Variants in WIZ observed in about 807,000 individuals in gnomAD.
The protein encoded by WIZ is WIZ zinc finger.
WIZ carries 25 observed loss-of-function variants against 140.2 expected under a neutral mutation model. That is an observed-to-expected ratio of 0.18 (90% CI 0.13 to 0.25). WIZ has a LOEUF of 0.25. WIZ is among the 10% of genes least tolerant of loss of function. The pLI is 1.00. For missense variants in WIZ, 2,231 were observed against 2,632.6 expected (o/e 0.85, Z 3.34); for synonymous variants, 1,125 against 1,154.3 (o/e 0.97, Z 0.51).
chr19:15,434,502 G>A (rs1217301191), intron 5 of WIZ, among the ~76,000 whole-genome samples: 1 of 149,624 alleles, frequency 6.7e-6, no homozygotes, highest in Admixed American at 6.7e-5. Flanking sequence ...GGTGGAGCTT[G>A]TAGTGAGCCG....
At position 15,425,404 on chromosome 19, in the gene WIZ, G is replaced by A; in HGVS notation, c.4731C>T (p.Ile1577=). 1 of 1,557,836 alleles carries A rather than the reference G, an allele frequency of 6.4e-7. No homozygotes were observed. The highest frequency in any genetic ancestry group is 8.7e-7 in the Non-Finnish European group (1 of 1,150,736). ...QVPRELSLTP[I]TGAKPSATGY... ...CAGTGGCTGAGGGCTTGGCCCCAGT[G>A]ATGGGCGTCAGGCTGAGCTCACGAG... The change falls in exon 10 of 13, where the codon ATC becomes ATT. Residue 1577 remains isoleucine, a synonymous_variant. Transcript: ENST00000673675.
chr19:15,448,055 G>GA (rs747183315), intron 2 of WIZ, 48 bp downstream of exon 2: 8 of 1,603,146 alleles, frequency 5.0e-6, no homozygotes, highest in Non-Finnish European at 6.0e-6. Flanking sequence ...CTGAGCCTTG[G>GA]GGAATGGGCT....
chr19:15,430,696 ATGCGAGAGAC>A (rs943081947), intron 6 of WIZ, among the ~76,000 whole-genome samples: 4 of 152,216 alleles, frequency 2.6e-5, no homozygotes, highest in Non-Finnish European at 5.9e-5. Context: ...AAATGGTGTC[ATGCGAGAGAC>A]TGCACAGCTA....
chr19:15,436,877 C>G lies in WIZ; in HGVS notation c.2669G>C (p.Arg890Pro). ...GGGCACCGTGAGAGGTAAGCGGGGCCGACGGGAGGTCAGGAAGCTGCCAGG... is the reference window on the plus strand; with the variant it reads ...GGGCACCGTGAGAGGTAAGCGGGGCGGACGGGAGGTCAGGAAGCTGCCAGG... ...GPPGSFLTSR[R>P]PRLPLTVPFP... is the part of the protein sequence containing the mutation. Residue 890 changes from arginine to proline, a missense_variant, in exon 5 of 13, where the codon CGG becomes CCG. Coordinates refer to ENST00000673675, the MANE Select transcript of WIZ (RefSeq NM_001371589.1). 3 of 1,612,768 alleles carry G rather than the reference C, an allele frequency of 1.9e-6. No homozygotes were observed. The highest frequency in any genetic ancestry group is 2.5e-6 in the Non-Finnish European group (3 of 1,179,494).
At chr19:15,426,735 C>A (rs1191448582) in intron 9 of WIZ, among the ~76,000 whole-genome samples, 2 of 152,240 alleles carry the variant, frequency 1.3e-5, no homozygotes, top group Non-Finnish European at 2.9e-5. Flanking sequence ...TGAAATGGCA[C>A]AAGAGATGGA....
At chr19:15,423,946 G>A in intron 12 of WIZ, 2 of 441,816 alleles carry the variant, frequency 4.5e-6, no homozygotes, top group Non-Finnish European at 7.9e-6. Context: ...GAGGTAAGGA[G>A]CAGGTAAGTC....
At chr19:15,449,183 GA>G (rs954617483) in intron 1 of WIZ, among the ~76,000 whole-genome samples, 2 of 152,160 alleles carry the variant, frequency 1.3e-5, no homozygotes, top group Non-Finnish European at 2.9e-5. Flanking sequence ...GGTAACGGCG[GA>G]AAGTGAAGGG....
chr19:15,430,865 G>T, intron 6 of WIZ, 147 bp downstream of exon 6: 1 of 1,010,510 alleles, frequency 9.9e-7, no homozygotes, highest in Non-Finnish European at 1.4e-6. Flanking sequence ...AGAGAAGACA[G>T]CTGAGTGCCA....
In WIZ at chr19:15,439,567, T is replaced by C. The variant is rs1357162371; in HGVS notation, c.1427A>G (p.Glu476Gly). The change falls in exon 4 of 13, where the codon GAG becomes GGG. Residue 476 changes from glutamate to glycine, a missense_variant. Glu to Gly is a moderately conservative substitution (Grantham distance 98). Transcript: ENST00000673675. This position sits in a 1 kb window ranked among gnomAD's most constrained non-coding sequence, Gnocchi z 7.0. Reference protein sequence around the residue: ...CVFCGFPAPSESLLREHVRLV... With the variant: ...CVFCGFPAPSGSLLREHVRLV... ...CCTCACGTGCTCCCTGAGCAGGCTC[T>C]CGCTGGGCGCGGGGAAACCACAGAA... The C allele has an allele frequency of 6.7e-7, 1 of 1,496,356 alleles. No individual in the cohort carries two copies. Among genetic ancestry groups the C allele is most frequent in the South Asian group, 1.2e-5 (1 of 80,550 alleles). 92.7% of individuals were successfully genotyped at this position (1,496,356 alleles called of 1,614,324 possible).
Position 15,439,548 on chromosome 19 carries a change from G to A in WIZ, c.1446C>T (p.His482=), listed in dbSNP as rs1030797658. The A allele has an allele frequency of 2.2e-5, 34 of 1,516,428 alleles. No individual in the cohort carries two copies. The African/African-American group carries it at 3.5e-4, about 15-fold the overall frequency. The allele number at this position is 1,516,428 out of a possible 1,614,324, so 93.9% of individuals were successfully genotyped here. The change falls in exon 4 of 13, where the codon CAC becomes CAT. Residue 482 remains histidine (H), a synonymous_variant. Coordinates refer to ENST00000673675, the MANE Select transcript of WIZ (RefSeq NM_001371589.1). The surrounding 1 kb of genome is among the most constrained non-coding windows in gnomAD (Gnocchi z 7.0). ...GGGGATGGGCATGCACCAGCCTCAC[G>A]TGCTCCCTGAGCAGGCTCTCGCTGG... ...PAPSESLLRE[H]VRLVHAHPHW... is the part of the protein sequence containing the mutation.
chr19:15,438,522 A>T, intron 4 of WIZ, 56 bp downstream of exon 4: 1 of 1,443,976 alleles, frequency 6.9e-7, no homozygotes, highest in Non-Finnish European at 9.1e-7. Flanking sequence ...ATTTAGATCA[A>T]CGGTGGGTTG....
At chr19:15,436,043 A>G (rs1969503390) in intron 5 of WIZ, among the ~76,000 whole-genome samples, 1 of 152,248 alleles carries the variant, frequency 6.6e-6, no homozygotes, top group Admixed American at 6.5e-5. Flanking sequence ...GAATCACTTG[A>G]ACCCCGGAGG....
In WIZ at chr19:15,439,804, C is replaced by G; in HGVS notation, c.1190G>C (p.Arg397Pro). The G allele has an allele frequency of 6.6e-7, 1 of 1,520,678 alleles. No individual in the cohort carries two copies. The highest frequency in any genetic ancestry group is 8.8e-7 in the Non-Finnish European group (1 of 1,139,416). The allele number at this position is 1,520,678 out of a possible 1,614,324, so 94.2% of individuals were successfully genotyped here. Residue 397 changes from arginine (R) to proline (P), a missense_variant, in exon 4 of 13, where the codon CGG becomes CCG. Around this residue, in one of 15 missense-constraint regions of WIZ, gnomAD observed 475 missense variants for 520.2 expected, o/e 0.91. Transcript: ENST00000673675. The surrounding 1 kb of genome is among the most constrained non-coding windows in gnomAD (Gnocchi z 7.0). Reference protein sequence around the residue: ...KLKQVPGDEGREARLQCPKCV... With the variant: ...KLKQVPGDEGPEARLQCPKCV... ...CTTAGGGCACTGCAGCCGTGCCTCC[C>G]GGCCCTCGTCTCCTGGAACTTGCTT...
chr19:15,443,256 G>T (rs1454155667), intron 2 of WIZ, among the ~76,000 whole-genome samples: 2 of 152,222 alleles, frequency 1.3e-5, no homozygotes, highest in Non-Finnish European at 2.9e-5. Flanking sequence ...ATGTTTAGTA[G>T]TGACGGCGTT....
rs78474751 is a variant in WIZ at position 15,431,753 on chromosome 19, C to A, written c.2741-571G>T. On this transcript the variant is annotated intron_variant, in intron 5 of 12. Transcript: ENST00000673675. Reference sequence around the variant, plus strand: ...CCCTAAGTGGGGTAAGGTGTCTGCACCTACAGCTATCTGACTTCGGACAGA... The same window carrying A: ...CCCTAAGTGGGGTAAGGTGTCTGCAACTACAGCTATCTGACTTCGGACAGA... Among the ~76,000 whole-genome samples, 1,298 of 152,330 alleles carry A rather than the reference C, an allele frequency of 8.5e-3. 20 individuals are homozygous for A. The highest frequency in any genetic ancestry group is 0.029 in the African/African-American group (1,221 of 41,558).
In WIZ at chr19:15,439,416, G is replaced by C. The variant is rs1400570912; in HGVS notation, c.1578C>G (p.Gly526=). Residue 526 remains glycine (G), a synonymous_variant, in exon 4 of 13, where the codon GGC becomes GGG. Transcript: ENST00000673675. The surrounding 1 kb of genome is among the most constrained non-coding windows in gnomAD (Gnocchi z 7.0). ...CFPDTAVDYF[G]KAEPSLAPMW... ...TGGGGGCCAAGGACGGCTCAGCTTT[G>C]CCAAAGTAGTCCACAGCAGTGTCAG... 2.6e-6 allele frequency: 4 copies of C among 1,528,066 alleles called. No individual in the cohort carries two copies. The African/African-American group carries it at 5.5e-5, about 21-fold the overall frequency. The allele number at this position is 1,528,066 out of a possible 1,614,324, so 94.7% of individuals were successfully genotyped here.
Position 15,424,058 on chromosome 19 carries a change from C to T in WIZ, c.5510+125G>A. ...GTGTCAGCCTTTAGCCTGAGCCCCA[C>T]CACACCCAAGGGCAGCCACTGAGGC... On this transcript the variant is annotated intron_variant, in intron 12 of 12. Coordinates refer to ENST00000673675, the MANE Select transcript of WIZ (RefSeq NM_001371589.1). This position sits in a 1 kb window ranked among gnomAD's most constrained non-coding sequence, Gnocchi z 9.7. The T allele has an allele frequency of 1.1e-6, 1 of 910,030 alleles. No individual in the cohort carries two copies. Among genetic ancestry groups the T allele is most frequent in the Admixed American group, 3.8e-5 (1 of 26,536 alleles). 56.4% of individuals were successfully genotyped at this position (910,030 alleles called of 1,614,324 possible). A position where few individuals can be genotyped will look rare whatever the true frequency, so the allele number is the denominator to read the frequency against.
rs1969789541 is a variant in WIZ, at chr19:15,442,777, GC to G, written c.206-30del. On this transcript the variant is annotated intron_variant, in intron 2 of 12. Transcript: ENST00000673675. The surrounding 1 kb of genome is among the most constrained non-coding windows in gnomAD (Gnocchi z 5.5). ...CAACAGAGAGGGGAGACCCTGAGGG[GC>G]TGGGGTCCCCCTGGCCGGGGCCCTC... is the stretch of plus-strand genomic sequence containing the variant. 1 of 1,225,982 alleles carries G rather than the reference GC, an allele frequency of 8.2e-7. No individual in the cohort carries two copies. The highest frequency in any genetic ancestry group is 4.1e-5 in the South Asian group (1 of 24,200). 75.9% of individuals were successfully genotyped at this position (1,225,982 alleles called of 1,614,324 possible).
chr19:15,429,761 C>A lies in WIZ; in HGVS notation c.3240G>T (p.Lys1080Asn). 6.6e-7 allele frequency: 1 copy of A among 1,506,046 alleles called. No homozygotes were observed. The highest frequency in any genetic ancestry group is 8.9e-7 in the Non-Finnish European group (1 of 1,129,644). 93.3% of individuals were successfully genotyped at this position (1,506,046 alleles called of 1,614,324 possible). A position where few individuals can be genotyped will look rare whatever the true frequency, so the allele number is the denominator to read the frequency against. ...AIKSPPGFSA[K>N]GLGHPPSSPL... is the part of the protein sequence containing the mutation. ...GAGAGCTGGGCGGGTGGCCCAGGCC[C>A]TTGGCCGAGAAGCCGGGAGGCGACT... Residue 1080 changes from lysine to asparagine, a missense_variant, in exon 7 of 13, where the codon AAG (lysine) becomes AAT (asparagine). Transcript: ENST00000673675.
Sources: gnomAD v4.1 joint callset for allele counts (sites outside exome capture counted in the v4.1 genomes callset) on GRCh38, gnomAD v4.1.1 for gene constraint, gnomAD v4.1.1 regional missense constraint, Gnocchi (gnomAD v3.1) non-coding constraint, MANE v1.5 for transcripts, NCBI Gene and HGNC (gene_info 2026-07-23, HGNC 2026-07-21) for gene names.